MROH2A: variants seen among roughly 807,000 people sequenced by gnomAD.
The protein encoded by MROH2A is maestro heat-like repeat-containing protein family member 2A.
A neutral mutation model predicts 200.4 loss-of-function variants in MROH2A; 174 were observed. That is an observed-to-expected ratio of 0.87 (90% CI 0.77 to 0.98). MROH2A has a LOEUF of 0.98. MROH2A is among the 50% of genes least tolerant of loss of function. MROH2A has a pLI of 0.00. For missense variants in MROH2A, 2,045 were observed against 2,139.6 expected, an observed-to-expected ratio of 0.96 and a Z score of 0.87; for synonymous variants, 829 against 840.4, an observed-to-expected ratio of 0.99 and a Z score of 0.23.
chr2:233,806,873 A>C lies in MROH2A; in HGVS notation c.2053-550A>C, dbSNP rs925980022. Among the ~76,000 whole-genome samples the C allele has an allele frequency of 5.3e-5, 8 of 152,216 alleles. No individual in the cohort carries two copies. The South Asian group carries it at 1.5e-3, about 28-fold the overall frequency. ...ACATGAATAAATGGGAATTTGCAAG[A>C]TTTTGGTGCACCCATCGCCCAAGCA... On this transcript the variant is annotated intron_variant, in intron 19 of 41. Coordinates refer to ENST00000389758, the MANE Select transcript of MROH2A (RefSeq NM_001394639.1).
At chr2:233,811,760 G>A in intron 23 of MROH2A, 120 bp from the exon 24 acceptor site, 2 of 703,896 alleles carry the variant, frequency 2.8e-6, no homozygotes, top group Non-Finnish European at 5.0e-6. Flanking sequence ...TAAAAAGAAT[G>A]AAAGAGATGT....
chr2:233,799,480 G>A (rs1702319905), intron 12 of MROH2A, among the ~76,000 whole-genome samples: 1 of 152,174 alleles, frequency 6.6e-6, no homozygotes, highest in South Asian at 2.1e-4. Context: ...GCCCCAGGGG[G>A]TCCAGGATAA....
chr2:233,821,712 A>G (rs1044788902), intron 31 of MROH2A, among the ~76,000 whole-genome samples: 4 of 152,110 alleles, frequency 2.6e-5, no homozygotes, highest in Non-Finnish European at 5.9e-5. Context: ...GAATAGGGAG[A>G]CAAAATACCT....
chr2:233,790,503 T>C (rs1343572774), intron 5 of MROH2A, among the ~76,000 whole-genome samples: 7 of 32,886 alleles, frequency 2.1e-4, no homozygotes, highest in South Asian at 1.7e-3. Context: ...TTCCTTCCTT[T>C]CCTTTTTAAT....
chr2:233,828,893 A>T lies in MROH2A; in HGVS notation c.4267A>T (p.Lys1423Ter), dbSNP rs1704517254. The change falls in exon 37 of 42, where the codon AAG (lysine) becomes TAG (stop). Residue 1423 changes from lysine (K) to a stop codon, truncating the protein, a stop_gained. Transcript: ENST00000389758. LOFTEE classifies it high-confidence loss of function. The surrounding 1 kb of genome is among the most constrained non-coding windows in gnomAD (Gnocchi z 4.6). ...NMALGAPKKV[K>*]QYRKVLLEKC... ...AGGGCTGCCCATGCCCCTCCAGGTG[A>T]AGCAGTACCGGAAGGTCTTGCTGGA... 1 of 1,550,348 alleles carries T rather than the reference A, an allele frequency of 6.5e-7. No individual in the cohort carries two copies.
chr2:233,797,477 G>A (rs564872726), intron 11 of MROH2A, among the ~76,000 whole-genome samples: 3 of 152,288 alleles, frequency 2.0e-5, no homozygotes, highest in African/African-American at 4.8e-5. Context: ...TAAAAAGTGT[G>A]TAGTCAATCC....
intron 35 of MROH2A, among the ~76,000 whole-genome samples, chr2:233,827,001 G>A (rs141494973): frequency 0.028 from 4,271 of 152,242 alleles, 211 homozygotes; most frequent in African/African-American, 0.097. Context: ...TTAGGTAAAT[G>A]CAAATCAAAA....
intron 24 of MROH2A, among the ~76,000 whole-genome samples, chr2:233,812,617 C>T (rs549593288): frequency 2.0e-5 from 3 of 152,106 alleles, no homozygotes; most frequent in Non-Finnish European, 4.4e-5. Flanking sequence ...ACTGAAGGGA[C>T]ACAGAGATAC....
chr2:233,823,114 C>A, intron 34 of MROH2A, 96 bp downstream of exon 34: 1 of 1,335,416 alleles, frequency 7.5e-7, no homozygotes, highest in Non-Finnish European at 1.0e-6. Context: ...CCAGTCATGG[C>A]TGAAGGCCTT....
intron 27 of MROH2A, 131 bp from the exon 28 acceptor site, chr2:233,817,871 C>T: frequency 8.9e-7 from 1 of 1,121,800 alleles, no homozygotes; most frequent in Non-Finnish European, 1.3e-6. Flanking sequence ...ACAGTGGCAC[C>T]CTCCCCTTCC....
chr2:233,832,736 A>G, intron 41 of MROH2A, 92 bp downstream of exon 41: 1 of 437,440 alleles, frequency 2.3e-6, no homozygotes, highest in Non-Finnish European at 4.3e-6. Flanking sequence ...GAGCCAGAGG[A>G]CCCTTTGCTG....
chr2:233,818,354 A>G (rs553920847), intron 28 of MROH2A, among the ~76,000 whole-genome samples: 1 of 152,184 alleles, frequency 6.6e-6, no homozygotes, highest in African/African-American at 2.4e-5. Flanking sequence ...CATGGAGGGC[A>G]TGTGCTGGGC....
chr2:233,815,086 T>C (rs1204790875), intron 26 of MROH2A, among the ~76,000 whole-genome samples: 1 of 152,236 alleles, frequency 6.6e-6, no homozygotes, highest in Non-Finnish European at 1.5e-5. Context: ...GCCCCAGTAA[T>C]GTCCTTTAGA....
In MROH2A at chr2:233,814,617, G is replaced by A; in HGVS notation, c.2796G>A (p.Gln932=). Reference sequence around the variant, plus strand: ...CAAATGCCCTGAGCTCCCTGGAGCAGCTGATGGAGAGCCTCCTGCAGAGGC... The same window carrying A: ...CAAATGCCCTGAGCTCCCTGGAGCAACTGATGGAGAGCCTCCTGCAGAGGC... ...LYANALSSLE[Q]LMESLLQRQL... is the part of the protein sequence containing the mutation. Residue 932 remains glutamine, a synonymous_variant, in exon 26 of 42, where the codon CAG becomes CAA. Coordinates refer to ENST00000389758, the MANE Select transcript of MROH2A (RefSeq NM_001394639.1). 1 of 1,550,506 alleles carries A rather than the reference G, an allele frequency of 6.4e-7. No homozygotes were observed. The highest frequency in any genetic ancestry group is 8.7e-7 in the Non-Finnish European group (1 of 1,146,934).
At chr2:233,786,059 T>C (rs952903867) in intron 3 of MROH2A, among the ~76,000 whole-genome samples, 37 of 152,220 alleles carry the variant, frequency 2.4e-4, no homozygotes, top group Admixed American at 2.2e-3. Flanking sequence ...ACTGTTCTCA[T>C]AGTAGTGAAT....
chr2:233,833,029 G>A, intron 41 of MROH2A, 109 bp from the exon 42 acceptor site: 1 of 1,336,324 alleles, frequency 7.5e-7, no homozygotes. Flanking sequence ...TTCCCCGTCT[G>A]CCCCTGCCCA....
Position 233,828,421 on chromosome 2 carries a change from C to G in MROH2A, c.4114-209C>G. On this transcript the variant is annotated intron_variant, in intron 35 of 41. Transcript: ENST00000389758. This position sits in a 1 kb window ranked among gnomAD's most constrained non-coding sequence, Gnocchi z 4.6. ...ATACGTAACACTTATCTAGCATTCC[C>G]CCCATATTTCCTTATTAAATCCCCA... 1 of 561,108 alleles carries G rather than the reference C, an allele frequency of 1.8e-6. No homozygotes were observed. Among genetic ancestry groups the G allele is most frequent in the Non-Finnish European group, 3.2e-6 (1 of 314,056 alleles). 34.8% of individuals were successfully genotyped at this position (561,108 alleles called of 1,614,324 possible).
rs1362997668 is a variant in MROH2A, at chr2:233,805,035, GGTCTAGCTGGA to G, written c.1978_1988del (p.Ser660ProfsTer5). 3.9e-6 allele frequency: 6 copies of G among 1,550,068 alleles called. No individual in the cohort carries two copies. In the African/African-American group the frequency reaches 8.2e-5, roughly 21 times the overall value. ...CGAAACTCCCTCAAGAAGACCCGGG[GGTCTAGCTGGA>G]GCCTGCGCTTGAGTAAAGAGCTGAA... On this transcript the variant is annotated frameshift_variant, in exon 19 of 42. Transcript: ENST00000389758. LOFTEE classifies it high-confidence loss of function.
In MROH2A at chr2:233,779,421, C is replaced by T. The variant is rs538390853; in HGVS notation, c.63C>T (p.Asp21=). The T allele has an allele frequency of 5.3e-5, 82 of 1,549,728 alleles. No individual in the cohort carries two copies. The highest frequency in any genetic ancestry group is 9.8e-5 in the Admixed American group (5 of 50,978). The change falls in exon 2 of 42, where the codon GAC becomes GAT. Residue 21 remains aspartate, a synonymous_variant. Coordinates refer to ENST00000389758, the MANE Select transcript of MROH2A (RefSeq NM_001394639.1). The part of the protein sequence containing the change: ...ASSEEVSEER[D]DLGPLELHDS... ...GTGAGGAGGTGTCAGAGGAAAGAGA[C>T]GACCTGGGGCCTCTTGAATTACATG...
Sources: allele counts gnomAD v4.1 joint callset (sites outside exome capture counted in the v4.1 genomes callset), GRCh38; gene constraint gnomAD v4.1.1; non-coding constraint Gnocchi (gnomAD v3.1); transcripts MANE v1.5; gene names NCBI Gene and HGNC (gene_info 2026-07-23, HGNC 2026-07-21).